DYM: variants seen among roughly 807,000 people sequenced by gnomAD.
DYM encodes dymeclin.
DYM carries 78 observed loss-of-function variants against 93.1 expected under a neutral mutation model. The ratio of observed to expected loss-of-function variants is 0.84; its 90% CI spans 0.70 to 1.01. DYM has a LOEUF of 1.01. Ranked by LOEUF, DYM falls within the 50% of genes least tolerant of loss-of-function variation. DYM has a pLI of 0.00. For missense variants in DYM, 789 were observed against 845.0 expected, an observed-to-expected ratio of 0.93 and a Z score of 0.82; for synonymous variants, 321 against 319.7, an observed-to-expected ratio of 1.00 and a Z score of -0.04.
intron 2 of DYM, among the ~76,000 whole-genome samples, chr18:49,414,554 G>A (rs74360754): frequency 0.092 from 13,908 of 151,954 alleles, 851 homozygotes; most frequent in East Asian, 0.31. Context: ...TATTTGTTTC[G>A]TGTTGGCTGT....
chr18:49,090,166 A>G (rs1202897788), intron 17 of DYM, among the ~76,000 whole-genome samples: 1 of 152,216 alleles, frequency 6.6e-6, no homozygotes. Flanking sequence ...GGCAGAAGTA[A>G]CTTATAAGAC....
At chr18:49,320,567 C>T (rs146668679) in intron 8 of DYM, among the ~76,000 whole-genome samples, 302 of 152,230 alleles carry the variant, frequency 2.0e-3, no homozygotes, top group African/African-American at 7.0e-3. Flanking sequence ...TTTCATCTCC[C>T]GGGTTCAAGT....
intron 14 of DYM, among the ~76,000 whole-genome samples, chr18:49,205,265 ATACAT>A (rs2092411376): frequency 6.6e-6 from 1 of 152,208 alleles, no homozygotes; most frequent in Non-Finnish European, 1.5e-5. Flanking sequence ...ACTGGCCTCA[ATACAT>A]TACATTTAAA....
intron 6 of DYM, among the ~76,000 whole-genome samples, chr18:49,348,894 T>C (rs9951736): frequency 0.033 from 3,580 of 108,758 alleles, 153 homozygotes; most frequent in African/African-American, 0.11. Flanking sequence ...GGTAACAGAG[T>C]GAGACTCCTC....
At chr18:49,308,290 G>A (rs201825974) in intron 8 of DYM, among the ~76,000 whole-genome samples, 2,302 of 145,240 alleles carry the variant, frequency 0.016, 53 homozygotes, top group African/African-American at 0.051. Flanking sequence ...ACTTGTGTGT[G>A]TATATATATA....
At chr18:49,223,953 C>T (rs981722937) in intron 13 of DYM, among the ~76,000 whole-genome samples, 2 of 152,032 alleles carry the variant, frequency 1.3e-5, no homozygotes, top group African/African-American at 4.8e-5. Context: ...GAGTATATAG[C>T]AGAGGAGTCA....
Position 49,356,431 on chromosome 18 carries a change from C to T in DYM, c.494+6730G>A, listed in dbSNP as rs116687269. On this transcript the variant is annotated intron_variant, in intron 6 of 17. Coordinates refer to ENST00000675505, the MANE Select transcript of DYM (RefSeq NM_001353214.3). ...TTGATTCAATCGATGCCTTAAATGC[C>T]TAATTCATTCAGAAAGCTATACTGG... is the stretch of plus-strand genomic sequence containing the variant. Among the ~76,000 whole-genome samples the T allele has an allele frequency of 5.3e-3, 802 of 152,220 alleles. 14 individuals are homozygous for T. Among genetic ancestry groups the T allele is most frequent in the African/African-American group, 0.019 (772 of 41,540 alleles).
At chr18:49,148,270 C>T (rs1051111472) in intron 15 of DYM, among the ~76,000 whole-genome samples, 3 of 150,778 alleles carry the variant, frequency 2.0e-5, no homozygotes, top group African/African-American at 7.3e-5. Context: ...TGCAGCACAC[C>T]AACATGGCAC....
chr18:49,373,340 T>C (rs113946534), intron 5 of DYM, among the ~76,000 whole-genome samples: 1,659 of 152,238 alleles, frequency 0.011, 29 homozygotes, highest in African/African-American at 0.038. Flanking sequence ...CAGTTGCCCA[T>C]TTTTATGGTT....
chr18:49,194,181 T>A (rs890819343), intron 14 of DYM, among the ~76,000 whole-genome samples: 5 of 152,236 alleles, frequency 3.3e-5, no homozygotes, highest in African/African-American at 2.4e-5. Flanking sequence ...AATATGTACA[T>A]GAAATTCCCT....
intron 17 of DYM, chr18:49,097,184 T>C (rs2079619709): frequency 1.7e-6 from 1 of 600,176 alleles, no homozygotes; most frequent in African/African-American, 1.9e-5. Context: ...GTATATGAAT[T>C]ATAGTGCATG....
At chr18:49,125,123 G>A (rs890974564) in intron 15 of DYM, among the ~76,000 whole-genome samples, 1 of 152,100 alleles carries the variant, frequency 6.6e-6, no homozygotes, top group Non-Finnish European at 1.5e-5. Context: ...AGCTGGGTGT[G>A]GTGGCACACA....
chr18:49,289,116 T>C (rs1385030531), intron 8 of DYM, among the ~76,000 whole-genome samples: 1 of 152,014 alleles, frequency 6.6e-6, no homozygotes, highest in African/African-American at 2.4e-5. Context: ...ATGATAAAGG[T>C]AGTGTGCCAG....
At chr18:49,263,667 T>C (rs2094525082) in intron 11 of DYM, among the ~76,000 whole-genome samples, 1 of 151,722 alleles carries the variant, frequency 6.6e-6, no homozygotes, top group African/African-American at 2.4e-5. Context: ...AGGTGGAGGT[T>C]GCACCAAGCC....
At chr18:49,365,816 G>T (rs1404216454) in intron 5 of DYM, among the ~76,000 whole-genome samples, 1 of 152,088 alleles carries the variant, frequency 6.6e-6, no homozygotes, top group Non-Finnish European at 1.5e-5. Context: ...ACTTCCAGGG[G>T]TATAAAAACA....
chr18:49,438,337 G>T (rs750425624), intron 1 of DYM, among the ~76,000 whole-genome samples: 1 of 151,956 alleles, frequency 6.6e-6, no homozygotes, highest in East Asian at 1.9e-4. Context: ...CTCCTTCCCC[G>T]TTTTTTCTCA....
intron 2 of DYM, among the ~76,000 whole-genome samples, chr18:49,406,875 A>G (rs1347226916): frequency 6.6e-6 from 1 of 152,216 alleles, no homozygotes; most frequent in African/African-American, 2.4e-5. Flanking sequence ...ACTTATGTTC[A>G]CTCAAAAACT....
intron 13 of DYM, among the ~76,000 whole-genome samples, chr18:49,218,053 G>A (rs1438348515): frequency 1.3e-5 from 2 of 152,040 alleles, no homozygotes; most frequent in African/African-American, 4.8e-5. Context: ...TAAAAGGATG[G>A]AGGAAGATCT....
At chr18:49,383,885 T>C (rs1161105344) in intron 3 of DYM, among the ~76,000 whole-genome samples, 1 of 152,146 alleles carries the variant, frequency 6.6e-6, no homozygotes, top group Admixed American at 6.5e-5. Context: ...GGATAAGAAA[T>C]GAGTTACGCT....
Sources: gnomAD v4.1 joint callset for allele counts (sites outside exome capture counted in the v4.1 genomes callset) on GRCh38, gnomAD v4.1.1 for gene constraint, MANE v1.5 for transcripts, NCBI Gene and HGNC (gene_info 2026-07-23, HGNC 2026-07-21) for gene names.